GALNT17: variants seen among roughly 807,000 people sequenced by gnomAD.
GALNT17 encodes UDP-GalNAc:polypeptide N-acetylgalactosaminyltransferase-like 3.
Under a neutral mutation model 63.7 loss-of-function variants are expected in GALNT17, and 29 were observed. The observed-to-expected ratio is 0.46, with a 90% CI of 0.34 to 0.62. The LOEUF (loss-of-function observed/expected upper bound fraction) is 0.62. Among genes scored for constraint, GALNT17 ranks in the 20% least tolerant of loss-of-function variants. The pLI, the probability that GALNT17 is intolerant of heterozygous loss-of-function variation, is 0.01. For missense variants in GALNT17, 603 were observed against 799.6 expected, an observed-to-expected ratio of 0.75 and a Z score of 2.97; for synonymous variants, 305 against 318.3, an observed-to-expected ratio of 0.96 and a Z score of 0.45.
At chr7:71,503,126 G>A (rs1013705015) in intron 5 of GALNT17, among the ~76,000 whole-genome samples, 6 of 152,094 alleles carry the variant, frequency 3.9e-5, no homozygotes, top group African/African-American at 1.2e-4. Flanking sequence ...GCTATTAAAT[G>A]CTGAAATCCT....
At chr7:71,229,428 C>T (rs931797487) in intron 1 of GALNT17, among the ~76,000 whole-genome samples, 3 of 152,178 alleles carry the variant, frequency 2.0e-5, no homozygotes, top group Admixed American at 6.5e-5. Flanking sequence ...TGTTTTGGAG[C>T]GTTTCCTGGC....
chr7:71,446,522 C>G (rs909760927), intron 5 of GALNT17, among the ~76,000 whole-genome samples: 6 of 152,110 alleles, frequency 3.9e-5, no homozygotes, highest in African/African-American at 1.4e-4. Context: ...AAGGCTCTAC[C>G]TACTCTTTAG....
Position 71,665,344 on chromosome 7 carries a change from G to A in GALNT17, c.1081-67G>A, listed in dbSNP as rs1213545720. ...AAAGTCAGCTGAACCATTGCTTTTG[G>A]GCTTGGGGAGGGGGCATAGCCTCTG... is the stretch of plus-strand genomic sequence containing the variant. On this transcript the variant is annotated intron_variant, in intron 6 of 10. Transcript: ENST00000333538. 22 of 1,502,034 alleles carry A rather than the reference G, an allele frequency of 1.5e-5. No individual in the cohort carries two copies. The East Asian group carries it at 5.0e-4, about 34-fold the overall frequency. 93.0% of individuals were successfully genotyped at this position (1,502,034 alleles called of 1,614,324 possible).
At chr7:71,171,922 G>A (rs1023441604) in intron 1 of GALNT17, among the ~76,000 whole-genome samples, 30 of 152,116 alleles carry the variant, frequency 2.0e-4, no homozygotes, top group African/African-American at 5.8e-4. Flanking sequence ...TTGACTTTCC[G>A]TCGTTTGAGA....
At chr7:71,516,046 A>G (rs1376003028) in intron 5 of GALNT17, among the ~76,000 whole-genome samples, 2 of 152,150 alleles carry the variant, frequency 1.3e-5, no homozygotes, top group African/African-American at 2.4e-5. Flanking sequence ...CAATCGGTCA[A>G]CTGCATTTTG....
chr7:71,553,834 A>T (rs10242825), intron 5 of GALNT17, among the ~76,000 whole-genome samples: 1 of 152,040 alleles, frequency 6.6e-6, no homozygotes, highest in Admixed American at 6.5e-5. Context: ...AGATTTTGAC[A>T]GGCTGTTATT....
At chr7:71,632,140 G>A (rs1266029947) in intron 6 of GALNT17, among the ~76,000 whole-genome samples, 1 of 151,996 alleles carries the variant, frequency 6.6e-6, no homozygotes, top group Non-Finnish European at 1.5e-5. Context: ...CCTTTCTTCA[G>A]ATACCTGAAA....
At chr7:71,607,603 C>A (rs1790065418) in intron 6 of GALNT17, among the ~76,000 whole-genome samples, 1 of 151,904 alleles carries the variant, frequency 6.6e-6, no homozygotes, top group Non-Finnish European at 1.5e-5. Flanking sequence ...CACTGAAGAG[C>A]AAATTAACAC....
chr7:71,691,957 G>A (rs1333863547), intron 9 of GALNT17, among the ~76,000 whole-genome samples: 1 of 150,244 alleles, frequency 6.7e-6, no homozygotes, highest in African/African-American at 2.5e-5. Context: ...TGTCACCCAT[G>A]CTGGAGTGCA....
chr7:71,344,411 G>T (rs1023769114), intron 2 of GALNT17, among the ~76,000 whole-genome samples: 1 of 152,196 alleles, frequency 6.6e-6, no homozygotes, highest in Non-Finnish European at 1.5e-5. Flanking sequence ...ATAGTTTCCA[G>T]ATTGAATTGT....
At chr7:71,551,983 A>T (rs1033451302) in intron 5 of GALNT17, among the ~76,000 whole-genome samples, 8 of 151,632 alleles carry the variant, frequency 5.3e-5, no homozygotes, top group African/African-American at 1.9e-4. Flanking sequence ...TTTGGGAGAG[A>T]GGCCAGGTTG....
At chr7:71,166,403 T>G (rs1217333863) in intron 1 of GALNT17, among the ~76,000 whole-genome samples, 1 of 152,184 alleles carries the variant, frequency 6.6e-6, no homozygotes, top group Non-Finnish European at 1.5e-5. Flanking sequence ...TTTGATAAGC[T>G]TTGACATATG....
intron 5 of GALNT17, among the ~76,000 whole-genome samples, chr7:71,479,261 G>A (rs1344757457): frequency 6.8e-6 from 1 of 147,130 alleles, no homozygotes; most frequent in East Asian, 2.2e-4. Context: ...CTCCATCTCT[G>A]TACCTGAATT....
At chr7:71,315,812 C>G (rs1791489008) in intron 1 of GALNT17, among the ~76,000 whole-genome samples, 1 of 152,050 alleles carries the variant, frequency 6.6e-6, no homozygotes, top group African/African-American at 2.4e-5. Context: ...TAGACTGTTT[C>G]CACAGACTCT....
At chr7:71,141,373 A>C (rs1393387301) in intron 1 of GALNT17, among the ~76,000 whole-genome samples, 2 of 147,174 alleles carry the variant, frequency 1.4e-5, no homozygotes, top group Non-Finnish European at 3.0e-5. Context: ...AGACTGTCTC[A>C]AAAAAAAAAA....
chr7:71,695,455 C>T (rs1278797190), intron 9 of GALNT17, among the ~76,000 whole-genome samples: 1 of 152,194 alleles, frequency 6.6e-6, no homozygotes, highest in Non-Finnish European at 1.5e-5. Flanking sequence ...GGAGCTGGCC[C>T]TCTCTGCAGG....
intron 5 of GALNT17, among the ~76,000 whole-genome samples, chr7:71,513,719 A>G (rs1199250612): frequency 1.3e-5 from 2 of 151,624 alleles, no homozygotes; most frequent in African/African-American, 2.4e-5. Flanking sequence ...CCTTTAAGGT[A>G]CTAGTTAACT....
intron 1 of GALNT17, among the ~76,000 whole-genome samples, chr7:71,148,868 A>ATATATATATATATT (rs1554333252): frequency 2.3e-5 from 3 of 132,228 alleles, no homozygotes; most frequent in African/African-American, 1.0e-4. Context: ...TTTTATATAT[A>ATATATATATATATT]TATATATATA....
At chr7:71,349,174 G>A (rs1354162953) in intron 2 of GALNT17, among the ~76,000 whole-genome samples, 2 of 152,210 alleles carry the variant, frequency 1.3e-5, no homozygotes, top group Admixed American at 1.3e-4. Context: ...ATTGTTCTTG[G>A]TTTGTGAGTA....
Sources: allele counts gnomAD v4.1 joint callset (sites outside exome capture counted in the v4.1 genomes callset), GRCh38; gene constraint gnomAD v4.1.1; transcripts MANE v1.5; gene names NCBI Gene and HGNC (gene_info 2026-07-23, HGNC 2026-07-21).